The following RGPD3 variants were observed in gnomAD, a reference collection of about 807,000 sequenced individuals.
RGPD3 encodes the protein ranBP2-like and GRIP domain-containing protein 3.
In RGPD3, 62 loss-of-function variants were observed where a neutral mutation model predicts 154.5. The ratio of observed to expected loss-of-function variants is 0.40; its 90% CI spans 0.33 to 0.50. RGPD3 has a LOEUF of 0.50. Among genes scored for constraint, RGPD3 ranks in the 20% least tolerant of loss-of-function variants. The pLI, the probability that RGPD3 is intolerant of heterozygous loss-of-function variation, is 0.59. For synonymous variants in RGPD3, 308 were observed against 607.0 expected (o/e 0.51, Z 7.24); for missense variants, 919 against 1,716.8 (o/e 0.54, Z 8.21).
Position 106,404,911 on chromosome 2 carries a change from T to C in RGPD3, c.*308A>G. ...AAGTGGGGAGTGAATTCATTCCTGG[T>C]GGTTTTATTCTGGCAGCATGCATGG... On this transcript the variant is annotated 3_prime_UTR_variant, in exon 23 of 23. Transcript: ENST00000409886. The C allele has an allele frequency of 9.7e-6, 4 of 413,824 alleles. No individual in the cohort carries two copies. Among genetic ancestry groups the C allele is most frequent in the Non-Finnish European group, 1.8e-5 (4 of 227,290 alleles). 25.6% of individuals were successfully genotyped at this position (413,824 alleles called of 1,614,324 possible).
rs753417135 is a variant in RGPD3, at chr2:106,424,695, T to A, written c.3272A>T (p.Glu1091Val). The change falls in exon 20 of 23, where the codon GAG (glutamate) becomes GTG (valine). Residue 1091 changes from glutamate to valine, a missense_variant. Transcript: ENST00000409886. ...CAGCATTCTTACTTTGCCATTGACC[T>A]CGTTTTTGAGAATTTTTAAGTTCCC... ...GLGNLKILKN[E>V]VNGKVRMLMQ... The A allele has an allele frequency of 1.2e-6, 2 of 1,612,018 alleles. No individual in the cohort carries two copies. Among genetic ancestry groups the A allele is most frequent in the Non-Finnish European group, 1.7e-6 (2 of 1,179,840 alleles).
chr2:106,410,244 T>C (rs1676630677), intron 22 of RGPD3, among the ~76,000 whole-genome samples: 1 of 152,170 alleles, frequency 6.6e-6, no homozygotes, highest in African/African-American at 2.4e-5. Context: ...TGGTTTTTAA[T>C]TATAATAAGG....
Position 106,424,201 on chromosome 2 carries a change from C to T in RGPD3, c.3766G>A (p.Glu1256Lys), listed in dbSNP as rs951307012. Reference protein sequence around the residue: ...TLEWDNYDLREDALDDSVSSS... With the variant: ...TLEWDNYDLRKDALDDSVSSS... ...CTGACACTATCATCCAAAGCATCTT[C>T]CCTTAAATCATAGTTATCCCATTCT... The change falls in exon 20 of 23, where the codon GAA becomes AAA. Residue 1256 changes from glutamate to lysine, a missense_variant. Glu to Lys is a moderately conservative substitution (Grantham distance 56). Transcript: ENST00000409886. 1 of 1,611,828 alleles carries T rather than the reference C, an allele frequency of 6.2e-7. No individual in the cohort carries two copies. Among genetic ancestry groups the T allele is most frequent in the African/African-American group, 1.3e-5 (1 of 74,844 alleles).
intron 9 of RGPD3, among the ~76,000 whole-genome samples, chr2:106,437,643 A>C (rs1160552454): frequency 6.6e-6 from 1 of 152,244 alleles, no homozygotes; most frequent in African/African-American, 2.4e-5. Context: ...AATTCTGTTT[A>C]TAGGTATCTC....
intron 21 of RGPD3, among the ~76,000 whole-genome samples, chr2:106,414,249 T>G (rs1172861281): frequency 6.6e-6 from 1 of 152,118 alleles, no homozygotes; most frequent in Non-Finnish European, 1.5e-5. Flanking sequence ...GTTAGCGAAC[T>G]TTGTCCTCAA....
Position 106,425,227 on chromosome 2 carries a change from A to G in RGPD3, c.2740T>C (p.Phe914Leu). Residue 914 changes from phenylalanine (F) to leucine (L), a missense_variant, in exon 20 of 23, where the codon TTT (phenylalanine) becomes CTT (leucine). By Grantham distance (22) the Phe-to-Leu change is conservative. Coordinates refer to ENST00000409886, the MANE Select transcript of RGPD3 (RefSeq NM_001144013.2). ...CCATCAGCAGACACAGGGATGGAAA[A>G]TCCTTCTTTGGTTGACTTAAATTCT... ...NTEFKSTKEG[F>L]SIPVSADGFK... The G allele has an allele frequency of 6.2e-7, 1 of 1,611,608 alleles. No individual in the cohort carries two copies. Among genetic ancestry groups the G allele is most frequent in the South Asian group, 1.1e-5 (1 of 90,966 alleles).
chr2:106,415,416 G>A (rs560676859), intron 21 of RGPD3, among the ~76,000 whole-genome samples: 64 of 152,236 alleles, frequency 4.2e-4, no homozygotes, highest in African/African-American at 1.5e-3. Flanking sequence ...GGTGGCTCAC[G>A]TCTGTAATAC....
At chr2:106,410,055 G>A (rs1676625011) in intron 22 of RGPD3, among the ~76,000 whole-genome samples, 1 of 151,208 alleles carries the variant, frequency 6.6e-6, no homozygotes, top group African/African-American at 2.4e-5. Context: ...TTTGTATTCT[G>A]AGTAGAGAGG....
chr2:106,468,507 T>A (rs1678722630), upstream of RGPD3: 2 of 912,030 alleles, frequency 2.2e-6, no homozygotes, highest in Non-Finnish European at 3.2e-6. Flanking sequence ...CACCCTGTGC[T>A]CTGAGGGTGT....
chr2:106,466,088 G>A (rs1678569546), intron 1 of RGPD3, among the ~76,000 whole-genome samples: 3 of 151,732 alleles, frequency 2.0e-5, no homozygotes, highest in Non-Finnish European at 4.4e-5. Context: ...AAGCCCCCGA[G>A]AACTAGGCCG....
intron 18 of RGPD3, among the ~76,000 whole-genome samples, chr2:106,428,590 C>G (rs1160509707): frequency 1.3e-5 from 2 of 151,258 alleles, no homozygotes; most frequent in Non-Finnish European, 2.9e-5. Context: ...GATACTATCA[C>G]AAAAGGCTAG....
chr2:106,467,111 C>T (rs1474990243), intron 1 of RGPD3, among the ~76,000 whole-genome samples: 5 of 97,944 alleles, frequency 5.1e-5, no homozygotes, highest in Non-Finnish European at 8.7e-5. Context: ...AGGTCGAGGC[C>T]GGCGCCTCAA....
rs775112866 is a variant in RGPD3 at position 106,436,243 on chromosome 2, A to G, written c.1638T>C (p.Pro546=). The G allele has an allele frequency of 1.5e-4, 237 of 1,611,798 alleles. 2 individuals are homozygous for G. Among genetic ancestry groups the G allele is most frequent in the Non-Finnish European group, 2.0e-4 (231 of 1,179,860 alleles). ...GAAGTCTCAATTTTGCTGAGTTTCCAGGTCTAAAAAATAGTTCAATTTACT... is the reference window on the plus strand; with the variant it reads ...GAAGTCTCAATTTTGCTGAGTTTCCGGGTCTAAAAAATAGTTCAATTTACT... ...VCTLIHRKAV[P]GNSAKLRLLV... The change falls in exon 12 of 23, where the codon CCT becomes CCC. Residue 546 remains proline, a synonymous_variant. Transcript: ENST00000409886.
At chr2:106,409,422 C>CAGATTCTTAAAGTTTTTGTTTTCCAG (rs1676604990) in intron 22 of RGPD3, among the ~76,000 whole-genome samples, 1 of 151,984 alleles carries the variant, frequency 6.6e-6, no homozygotes, top group Admixed American at 6.6e-5. Context: ...TCAGTGAAGG[C>CAGATTCTTAAAGTTTTTGTTTTCCAG]AGATTCTTAA....
At chr2:106,470,466 C>T (rs1252375361), upstream of RGPD3, among the ~76,000 whole-genome samples, 1 of 152,192 alleles carries the variant, frequency 6.6e-6, no homozygotes, top group Non-Finnish European at 1.5e-5. Context: ...GTCATCTTCC[C>T]ATCAGTCAAT....
intron 6 of RGPD3, among the ~76,000 whole-genome samples, chr2:106,449,466 CA>C (rs1160792236): frequency 0.027 from 1,549 of 56,824 alleles, 4 homozygotes; most frequent in East Asian, 0.077. Flanking sequence ...AACTCTGTCT[CA>C]AAAAAAAAAA....
chr2:106,408,314 G>A (rs2104440048), intron 22 of RGPD3, among the ~76,000 whole-genome samples: 1 of 78,480 alleles, frequency 1.3e-5, no homozygotes, highest in Non-Finnish European at 2.5e-5. Context: ...ACCTTATAAC[G>A]CAGAGTTGTA....
intron 7 of RGPD3, among the ~76,000 whole-genome samples, chr2:106,446,564 C>T (rs1475022358): frequency 1.9e-5 from 1 of 52,246 alleles, no homozygotes; most frequent in Admixed American, 2.6e-4. Context: ...AGCGAGACTC[C>T]ATCTCAAAAA....
At chr2:106,413,868 C>G (rs1048110234) in intron 21 of RGPD3, among the ~76,000 whole-genome samples, 14 of 152,104 alleles carry the variant, frequency 9.2e-5, no homozygotes, top group Non-Finnish European at 7.4e-5. Flanking sequence ...CCATGAGGAG[C>G]AACTAACTGG....
Sources: allele counts gnomAD v4.1 joint callset (sites outside exome capture counted in the v4.1 genomes callset), GRCh38; gene constraint gnomAD v4.1.1; transcripts MANE v1.5; gene names NCBI Gene and HGNC (gene_info 2026-07-23, HGNC 2026-07-21).